Variants in ANAPC10 observed in about 807,000 individuals in gnomAD.
ANAPC10 encodes the protein anaphase promoting complex subunit 10, also known as anaphase-promoting complex subunit 10.
In ANAPC10, 12 loss-of-function variants were observed where a neutral mutation model predicts 22.0. That is an observed-to-expected ratio of 0.55 (90% confidence interval 0.35 to 0.88). The LOEUF is 0.88. Among genes scored for constraint, ANAPC10 ranks in the 40% least tolerant of loss-of-function variants. The pLI is 0.01. For missense variants in ANAPC10, 188 were observed against 220.9 expected (o/e 0.85, Z 0.94); for synonymous variants, 65 against 69.5 (o/e 0.94, Z 0.32).
chr4:145,075,654 TG>T (rs2126549250), intron 3 of ANAPC10, among the ~76,000 whole-genome samples: 1 of 152,278 alleles, frequency 6.6e-6, no homozygotes, highest in East Asian at 1.9e-4. Context: ...GAGCAGCTCC[TG>T]GGGAAGAATT....
At chr4:145,068,468 T>C (rs1262155280) in intron 3 of ANAPC10, among the ~76,000 whole-genome samples, 1 of 152,244 alleles carries the variant, frequency 6.6e-6, no homozygotes. Flanking sequence ...AAAATAGTTA[T>C]AAAACATGTT....
chr4:145,088,122 A>G (rs912449619), intron 2 of ANAPC10, among the ~76,000 whole-genome samples: 1 of 152,186 alleles, frequency 6.6e-6, no homozygotes, highest in Non-Finnish European at 1.5e-5. Context: ...ACTTCTATCC[A>G]TGATTTCTCA....
chr4:145,023,291 C>A (rs1032630272), intron 4 of ANAPC10, among the ~76,000 whole-genome samples: 8 of 152,020 alleles, frequency 5.3e-5, no homozygotes, highest in African/African-American at 1.7e-4. Context: ...TCAGAATAAC[C>A]GTTAGCCTTC....
intron 4 of ANAPC10, among the ~76,000 whole-genome samples, chr4:144,997,872 A>G (rs1483358176): frequency 6.6e-6 from 1 of 152,212 alleles, no homozygotes; most frequent in African/African-American, 2.4e-5. Context: ...CTCAAAATAA[A>G]GGGATGGAGG....
chr4:145,057,140 G>A (rs1204158298), intron 4 of ANAPC10, among the ~76,000 whole-genome samples: 2 of 152,086 alleles, frequency 1.3e-5, no homozygotes, highest in African/African-American at 4.8e-5. Context: ...ATCCTCCTCA[G>A]AATCATCTTA....
At chr4:144,998,474 G>A (rs888139754) in intron 4 of ANAPC10, among the ~76,000 whole-genome samples, 6 of 151,956 alleles carry the variant, frequency 3.9e-5, no homozygotes, top group South Asian at 2.1e-4. Flanking sequence ...CACTCAAAAC[G>A]GCTCAACTAC....
chr4:144,997,588 T>C (rs562044502), intron 4 of ANAPC10, among the ~76,000 whole-genome samples: 21 of 152,024 alleles, frequency 1.4e-4, no homozygotes, highest in Middle Eastern at 3.2e-3. Flanking sequence ...AAGCACTAAA[T>C]ATGGAAAGGA....
At chr4:145,037,877 G>A (rs759167514) in intron 4 of ANAPC10, among the ~76,000 whole-genome samples, 3 of 148,490 alleles carry the variant, frequency 2.0e-5, no homozygotes, top group Non-Finnish European at 4.4e-5. Flanking sequence ...AACCTAGAAG[G>A]TCTAGGCCCC....
intron 2 of ANAPC10, among the ~76,000 whole-genome samples, chr4:145,088,419 C>T (rs1344139876): frequency 6.6e-6 from 1 of 152,150 alleles, no homozygotes; most frequent in African/African-American, 2.4e-5. Flanking sequence ...GCAAAATTAA[C>T]ATATATAAAT....
chr4:145,009,920 C>T (rs1040047811), intron 4 of ANAPC10, among the ~76,000 whole-genome samples: 2 of 152,028 alleles, frequency 1.3e-5, no homozygotes, highest in Non-Finnish European at 2.9e-5. Context: ...TGCAATCTAC[C>T]CATCTGACAG....
chr4:145,096,250 T>G, intron 1 of ANAPC10, 139 bp from the exon 2 acceptor site: 1 of 913,036 alleles, frequency 1.1e-6, no homozygotes, highest in Non-Finnish European at 1.6e-6. Context: ...TTAATATAAT[T>G]AAATCACTGT....
intron 4 of ANAPC10, among the ~76,000 whole-genome samples, chr4:145,024,894 G>A (rs1229207680): frequency 1.3e-5 from 2 of 152,200 alleles, no homozygotes; most frequent in Admixed American, 6.5e-5. Context: ...GCAGAAGGCT[G>A]TTTTGTCTAC....
chr4:145,002,519 TAAG>T (rs1479553930), intron 4 of ANAPC10, among the ~76,000 whole-genome samples: 1 of 152,168 alleles, frequency 6.6e-6, no homozygotes, highest in Non-Finnish European at 1.5e-5. Flanking sequence ...CCTGGAGAGT[TAAG>T]ATTATATAGC....
rs150486520 is a variant in ANAPC10 at position 145,000,636 on chromosome 4, G to A, written c.328-5033C>T. On this transcript the variant is annotated intron_variant, in intron 4 of 4. Coordinates refer to ENST00000507656, the MANE Select transcript of ANAPC10 (RefSeq NM_001256706.2). ...TAGTTCAACCATTGTGGAAGACAGT[G>A]TGGTGACTGCTCAGAGATCTAGAAC... 9.1e-3 allele frequency among the ~76,000 whole-genome samples: 1,386 copies of A among 152,336 alleles called. 12 individuals are homozygous for A. The highest frequency in any genetic ancestry group is 0.027 in the Middle Eastern group (8 of 294).
chr4:145,025,789 G>A (rs1176325229), intron 4 of ANAPC10, among the ~76,000 whole-genome samples: 8 of 152,072 alleles, frequency 5.3e-5, no homozygotes, highest in Non-Finnish European at 1.2e-4. Flanking sequence ...ACAAATCTTC[G>A]ATTTGTAAAA....
At chr4:145,066,426 TAAATGG>T (rs1743693838) in intron 3 of ANAPC10, among the ~76,000 whole-genome samples, 1 of 151,884 alleles carries the variant, frequency 6.6e-6, no homozygotes, top group Non-Finnish European at 1.5e-5. Flanking sequence ...AAGCAGGAAG[TAAATGG>T]TCTTTCTTCT....
chr4:145,029,188 A>G (rs954412996), intron 4 of ANAPC10, among the ~76,000 whole-genome samples: 2 of 152,118 alleles, frequency 1.3e-5, no homozygotes, highest in African/African-American at 4.8e-5. Context: ...TTGCCAGAAG[A>G]AAGAGCTTCA....
chr4:145,061,348 A>C (rs767892373), intron 4 of ANAPC10, among the ~76,000 whole-genome samples: 1 of 152,164 alleles, frequency 6.6e-6, no homozygotes, highest in Non-Finnish European at 1.5e-5. Flanking sequence ...TTTACAATAG[A>C]ATACAAAACA....
intron 4 of ANAPC10, among the ~76,000 whole-genome samples, chr4:144,996,157 G>A (rs1731579225): frequency 6.6e-6 from 1 of 152,164 alleles, no homozygotes; most frequent in South Asian, 2.1e-4. Context: ...TGGATGTGGG[G>A]AAACAATATG....
Sources: allele counts gnomAD v4.1 joint callset (sites outside exome capture counted in the v4.1 genomes callset), GRCh38; gene constraint gnomAD v4.1.1; transcripts MANE v1.5; gene names NCBI Gene and HGNC (gene_info 2026-07-23, HGNC 2026-07-21).